The following ZNF420 variants were observed in gnomAD, a reference collection of about 807,000 sequenced individuals.
ZNF420 encodes the protein ATM and p53-associated KZNF protein.
In ZNF420, 31 loss-of-function variants were observed where a neutral mutation model predicts 44.7. That is an observed-to-expected ratio of 0.69 (90% CI 0.52 to 0.94). The LOEUF is 0.94. Ranked by LOEUF, ZNF420 falls within the 40% of genes least tolerant of loss-of-function variation. The pLI, the probability that ZNF420 is intolerant of heterozygous loss-of-function variation, is 0.00. For synonymous variants in ZNF420, 245 were observed against 267.4 expected (o/e 0.92, Z 0.82); for missense variants, 681 against 827.9 (o/e 0.82, Z 2.18).
upstream of ZNF420, among the ~76,000 whole-genome samples, chr19:37,075,602 C>T (rs1364477988): frequency 1.3e-5 from 2 of 151,796 alleles, no homozygotes; most frequent in African/African-American, 4.8e-5. Flanking sequence ...ATTAGCTGGG[C>T]GTAGTGGCAG....
chr19:37,026,759 GC>G (rs1436659242), intron 1 of ZNF420, among the ~76,000 whole-genome samples: 2 of 152,148 alleles, frequency 1.3e-5, no homozygotes, highest in African/African-American at 4.8e-5. Flanking sequence ...ACCACGCCTG[GC>G]TAAAAAAACC....
intron 1 of ZNF420, among the ~76,000 whole-genome samples, chr19:37,042,260 G>A (rs1437676205): frequency 6.6e-6 from 1 of 152,232 alleles, no homozygotes; most frequent in African/African-American, 2.4e-5. Flanking sequence ...GCCTCCCAAA[G>A]TGCTGGGATT....
intron 1 of ZNF420, among the ~76,000 whole-genome samples, chr19:37,011,084 G>A (rs946380246): frequency 3.9e-5 from 6 of 152,260 alleles, no homozygotes; most frequent in African/African-American, 7.2e-5. Flanking sequence ...CTGGGCTCTC[G>A]CCTCTGCTCT....
intron 4 of ZNF420, among the ~76,000 whole-genome samples, chr19:37,121,476 A>T (rs1454028214): frequency 2.0e-5 from 3 of 151,352 alleles, no homozygotes; most frequent in Non-Finnish European, 2.9e-5. Flanking sequence ...AAATTAATTC[A>T]AGATGGATTA....
chr19:37,070,236 A>G (rs1416449557), intron 1 of ZNF420, among the ~76,000 whole-genome samples: 2 of 152,164 alleles, frequency 1.3e-5, no homozygotes, highest in Admixed American at 1.3e-4. Context: ...TACATAACAC[A>G]GAAATTGTAT....
chr19:37,036,617 G>T (rs777335542), intron 1 of ZNF420, among the ~76,000 whole-genome samples: 4 of 152,114 alleles, frequency 2.6e-5, no homozygotes, highest in Non-Finnish European at 4.4e-5. Flanking sequence ...TCTAATTGCT[G>T]ACCTAAATAA....
chr19:37,100,854 T>C (rs1261132226), intron 4 of ZNF420, among the ~76,000 whole-genome samples: 1 of 152,224 alleles, frequency 6.6e-6, no homozygotes, highest in Non-Finnish European at 1.5e-5. Flanking sequence ...TTTTGGGTAG[T>C]ATGGACATTT....
At chr19:37,049,230 C>T (rs1218900336) in intron 1 of ZNF420, among the ~76,000 whole-genome samples, 1 of 152,038 alleles carries the variant, frequency 6.6e-6, no homozygotes, top group Non-Finnish European at 1.5e-5. Context: ...GGGTATATAC[C>T]CAGTAATGGG....
chr19:37,069,868 A>G (rs1568436492), intron 1 of ZNF420, among the ~76,000 whole-genome samples: 1 of 152,126 alleles, frequency 6.6e-6, no homozygotes, highest in Non-Finnish European at 1.5e-5. Flanking sequence ...AATATCTAGC[A>G]TCCAGCTTAA....
intron 4 of ZNF420, among the ~76,000 whole-genome samples, chr19:37,126,078 T>G (rs1402371874): frequency 6.6e-6 from 1 of 152,068 alleles, no homozygotes; most frequent in African/African-American, 2.4e-5. Flanking sequence ...TTTTCATATT[T>G]TTCAATTTTT....
At chr19:37,045,040 C>T (rs1388738645) in intron 1 of ZNF420, among the ~76,000 whole-genome samples, 1 of 152,168 alleles carries the variant, frequency 6.6e-6, no homozygotes, top group Non-Finnish European at 1.5e-5. Context: ...TGAGAATAGA[C>T]TGCTACTATG....
intron 1 of ZNF420, among the ~76,000 whole-genome samples, chr19:37,056,081 ACTCTCTGTCTCTCT>A (rs1381398684): frequency 7.0e-6 from 1 of 143,440 alleles, no homozygotes; most frequent in Non-Finnish European, 1.5e-5. Context: ...TCTGTCTCTC[ACTCTCTGTCTCTCT>A]CTCTCTCTCT....
chr19:37,016,832 T>C (rs2074612398), intron 1 of ZNF420, among the ~76,000 whole-genome samples: 1 of 152,180 alleles, frequency 6.6e-6, no homozygotes. Context: ...AGCCAGGCTC[T>C]ATGGGACTTG....
At chr19:37,116,368 CAAAAA>C (rs57611154) in intron 4 of ZNF420, among the ~76,000 whole-genome samples, 2 of 75,918 alleles carry the variant, frequency 2.6e-5, no homozygotes, top group African/African-American at 4.3e-5. Flanking sequence ...GACTCCACCT[CAAAAA>C]AAAAAAAAAA....
At chr19:37,085,177 G>A (rs900639638) in intron 2 of ZNF420, among the ~76,000 whole-genome samples, 2 of 151,912 alleles carry the variant, frequency 1.3e-5, no homozygotes, top group African/African-American at 2.4e-5. Context: ...CACTCAGTTC[G>A]GCATATTTTT....
At chr19:37,062,859 A>T (rs1422785324) in intron 1 of ZNF420, among the ~76,000 whole-genome samples, 1 of 152,214 alleles carries the variant, frequency 6.6e-6, no homozygotes, top group Non-Finnish European at 1.5e-5. Flanking sequence ...TAGGAAAGGC[A>T]GACTAGGAAT....
intron 4 of ZNF420, among the ~76,000 whole-genome samples, chr19:37,119,488 A>T (rs1264051228): frequency 6.6e-6 from 1 of 152,156 alleles, no homozygotes; most frequent in Non-Finnish European, 1.5e-5. Flanking sequence ...AGAGGGAAAT[A>T]TATAGCACTA....
intron 4 of ZNF420, among the ~76,000 whole-genome samples, chr19:37,115,818 G>A (rs1384508526): frequency 6.6e-6 from 1 of 152,066 alleles, no homozygotes; most frequent in Non-Finnish European, 1.5e-5. Flanking sequence ...CACATGGAGA[G>A]AAACCTTGGA....
At chr19:37,025,821 G>A (rs971517491) in intron 1 of ZNF420, among the ~76,000 whole-genome samples, 1 of 146,856 alleles carries the variant, frequency 6.8e-6, no homozygotes, top group Non-Finnish European at 1.5e-5. Flanking sequence ...CTGTTGCCTA[G>A]GTTGGAGTAC....
Sources: allele counts gnomAD v4.1 joint callset (sites outside exome capture counted in the v4.1 genomes callset), GRCh38; gene constraint gnomAD v4.1.1; transcripts MANE v1.5; gene names NCBI Gene and HGNC (gene_info 2026-07-23, HGNC 2026-07-21).